Variants in BRINP3 observed in about 807,000 individuals in gnomAD.
BRINP3 encodes BMP/retinoic acid-inducible neural-specific protein 3.
A neutral mutation model predicts 71.0 loss-of-function variants in BRINP3; 19 were observed. The ratio of observed to expected loss-of-function variants is 0.27; its 90% CI spans 0.19 to 0.39. The LOEUF (loss-of-function observed/expected upper bound fraction) is 0.39, where lower values mean the gene tolerates loss of function less well. Among genes scored for constraint, BRINP3 ranks in the 10% least tolerant of loss-of-function variants. BRINP3 has a pLI of 1.00. For synonymous variants in BRINP3, 380 were observed against 337.7 expected, an observed-to-expected ratio of 1.13 and a Z score of -1.37; for missense variants, 959 against 940.8, an observed-to-expected ratio of 1.02 and a Z score of -0.25.
chr1:190,147,921 C>A (rs1009996943), intron 7 of BRINP3, among the ~76,000 whole-genome samples: 1 of 152,126 alleles, frequency 6.6e-6, no homozygotes, highest in Non-Finnish European at 1.5e-5. Flanking sequence ...GTATGATAGA[C>A]AAATGCTGTA....
chr1:190,317,666 C>T (rs1360721427), intron 2 of BRINP3, among the ~76,000 whole-genome samples: 1 of 152,096 alleles, frequency 6.6e-6, no homozygotes, highest in African/African-American at 2.4e-5. Flanking sequence ...GAACAATTAT[C>T]ATATTCCAAA....
chr1:190,246,178 A>G lies in BRINP3; in HGVS notation c.619-11701T>C, dbSNP rs140537218. The stretch of plus-strand genomic sequence containing the variant: ...CATTTTAAAAATAATTTAAAATCCA[A>G]TGTGAAATACAACTGCAATTTTTGT... On this transcript the variant is annotated intron_variant, in intron 4 of 7. Transcript: ENST00000367462. Among the ~76,000 whole-genome samples the G allele has an allele frequency of 6.5e-3, 996 of 152,164 alleles. 6 individuals carry two copies. The highest frequency in any genetic ancestry group is 0.021 in the African/African-American group (887 of 41,538).
At chr1:190,463,997 A>G (rs1364870060) in intron 1 of BRINP3, among the ~76,000 whole-genome samples, 3 of 151,908 alleles carry the variant, frequency 2.0e-5, no homozygotes, top group Non-Finnish European at 4.4e-5. Context: ...GTATGGATAA[A>G]TAATTGCTTT....
At chr1:190,418,031 T>G (rs1477010446) in intron 2 of BRINP3, among the ~76,000 whole-genome samples, 1 of 152,312 alleles carries the variant, frequency 6.6e-6, no homozygotes, top group East Asian at 1.9e-4. Flanking sequence ...AGATTTACAA[T>G]CAATCCCTCT....
intron 2 of BRINP3, among the ~76,000 whole-genome samples, chr1:190,433,562 C>T (rs1674246649): frequency 6.6e-6 from 1 of 152,068 alleles, no homozygotes; most frequent in Non-Finnish European, 1.5e-5. Context: ...TCAGAGATAC[C>T]ATCTCTTACT....
At chr1:190,436,181 A>T (rs1674441559) in intron 2 of BRINP3, among the ~76,000 whole-genome samples, 1 of 151,966 alleles carries the variant, frequency 6.6e-6, no homozygotes, top group Non-Finnish European at 1.5e-5. Flanking sequence ...TCCTATTTTT[A>T]AAATTATATT....
intron 2 of BRINP3, among the ~76,000 whole-genome samples, chr1:190,360,458 G>C (rs979498849): frequency 6.6e-6 from 1 of 152,100 alleles, no homozygotes; most frequent in Non-Finnish European, 1.5e-5. Context: ...ACAAGACTGA[G>C]GTGTATCATG....
chr1:190,258,579 G>A (rs896255781), intron 4 of BRINP3, among the ~76,000 whole-genome samples: 2 of 152,006 alleles, frequency 1.3e-5, no homozygotes, highest in African/African-American at 4.8e-5. Context: ...TAAAAATCAG[G>A]AATAAATTAG....
chr1:190,318,004 A>G (rs1666000054), intron 2 of BRINP3, among the ~76,000 whole-genome samples: 1 of 152,122 alleles, frequency 6.6e-6, no homozygotes, highest in Non-Finnish European at 1.5e-5. Flanking sequence ...TAAAAGTTCA[A>G]TATATATTTG....
intron 7 of BRINP3, among the ~76,000 whole-genome samples, chr1:190,136,923 A>G (rs1370044594): frequency 6.6e-6 from 1 of 151,982 alleles, no homozygotes; most frequent in Admixed American, 6.6e-5. Context: ...CCCCAAATAA[A>G]TTAAATATAT....
intron 7 of BRINP3, among the ~76,000 whole-genome samples, chr1:190,102,763 A>G (rs770869060): frequency 6.6e-5 from 10 of 152,048 alleles, no homozygotes; most frequent in Non-Finnish European, 7.4e-5. Flanking sequence ...CATGATTTCG[A>G]CCAATTCAAG....
intron 6 of BRINP3, among the ~76,000 whole-genome samples, chr1:190,193,578 A>T (rs1654231084): frequency 6.6e-6 from 1 of 152,086 alleles, no homozygotes; most frequent in South Asian, 2.1e-4. Flanking sequence ...ACACATCTTT[A>T]CAGATGTGAT....
intron 7 of BRINP3, among the ~76,000 whole-genome samples, chr1:190,140,447 T>C (rs551643102): frequency 1.1e-4 from 16 of 152,270 alleles, no homozygotes; most frequent in African/African-American, 3.6e-4. Context: ...ATCTGTTTAC[T>C]TAACCACACT....
intron 4 of BRINP3, among the ~76,000 whole-genome samples, chr1:190,253,947 G>A (rs1660400049): frequency 6.6e-6 from 1 of 152,120 alleles, no homozygotes; most frequent in Non-Finnish European, 1.5e-5. Context: ...TTTTGTATAA[G>A]GTGTAAGGAA....
chr1:190,183,039 G>A (rs1653166190), intron 6 of BRINP3, among the ~76,000 whole-genome samples: 1 of 152,092 alleles, frequency 6.6e-6, no homozygotes, highest in Non-Finnish European at 1.5e-5. Flanking sequence ...TGTCATAAAT[G>A]AGCGTAGAAG....
chr1:190,219,041 C>G (rs952783528), intron 6 of BRINP3, among the ~76,000 whole-genome samples: 1 of 151,984 alleles, frequency 6.6e-6, no homozygotes, highest in African/African-American at 2.4e-5. Flanking sequence ...TTATTTACAA[C>G]GGCAATGCAA....
chr1:190,300,699 G>C (rs1466945152), intron 2 of BRINP3, among the ~76,000 whole-genome samples: 2 of 152,060 alleles, frequency 1.3e-5, no homozygotes, highest in Non-Finnish European at 2.9e-5. Context: ...TAGTCCAACA[G>C]ACCTGCAGCT....
chr1:190,171,390 C>G (rs1651997402), intron 6 of BRINP3, among the ~76,000 whole-genome samples: 1 of 152,132 alleles, frequency 6.6e-6, no homozygotes, highest in South Asian at 2.1e-4. Context: ...AATACCCTTT[C>G]TTTTAAACAG....
intron 2 of BRINP3, among the ~76,000 whole-genome samples, chr1:190,374,596 G>C (rs1473564270): frequency 6.6e-6 from 1 of 152,058 alleles, no homozygotes. Context: ...AATTCAGTAA[G>C]GTAGTGGGGT....
Sources: allele counts gnomAD v4.1 joint callset (sites outside exome capture counted in the v4.1 genomes callset), GRCh38; gene constraint gnomAD v4.1.1; transcripts MANE v1.5; gene names NCBI Gene and HGNC (gene_info 2026-07-23, HGNC 2026-07-21).